MTMR7: variants seen among roughly 807,000 people sequenced by gnomAD.
MTMR7 encodes the protein phosphatidylinositol-3-phosphate phosphatase MTMR7.
MTMR7 carries 76 observed loss-of-function variants against 81.2 expected under a neutral mutation model. The ratio of observed to expected loss-of-function variants is 0.94; its 90% CI spans 0.78 to 1.13. MTMR7 has a LOEUF of 1.13. Among genes scored for constraint, MTMR7 ranks in the 50% most tolerant of loss-of-function variants. The pLI is 0.00. For synonymous variants in MTMR7, 372 were observed against 289.8 expected (o/e 1.28, Z -2.88); for missense variants, 1,044 against 820.0 (o/e 1.27, Z -3.34).
chr8:17,367,683 G>A (rs1820270924), intron 3 of MTMR7, among the ~76,000 whole-genome samples: 1 of 152,112 alleles, frequency 6.6e-6, no homozygotes, highest in African/African-American at 2.4e-5. Flanking sequence ...TCCTAACTCA[G>A]TAAAGAGATA....
intron 6 of MTMR7, among the ~76,000 whole-genome samples, chr8:17,332,935 C>A (rs1343609747): frequency 2.0e-5 from 3 of 152,166 alleles, no homozygotes; most frequent in Non-Finnish European, 4.4e-5. Flanking sequence ...CAGGAGAATG[C>A]CATCAGTACT....
At chr8:17,306,015 C>A in intron 10 of MTMR7, 58 bp from the exon 11 acceptor site, 1 of 1,412,744 alleles carries the variant, frequency 7.1e-7, no homozygotes, top group Non-Finnish European at 9.7e-7. Flanking sequence ...AGTACAAAGC[C>A]ATAAATGCAA....
intron 1 of MTMR7, among the ~76,000 whole-genome samples, chr8:17,376,643 C>T (rs1820599253): frequency 6.6e-6 from 1 of 152,092 alleles, no homozygotes; most frequent in African/African-American, 2.4e-5. Flanking sequence ...AATATGCGAT[C>T]TCATTGTGGT....
intron 5 of MTMR7, among the ~76,000 whole-genome samples, chr8:17,344,108 A>G (rs569160686): frequency 6.6e-6 from 1 of 152,304 alleles, no homozygotes; most frequent in Non-Finnish European, 1.5e-5. Context: ...CCTAATTATC[A>G]TATACAATAA....
In MTMR7 at chr8:17,299,782, T is replaced by G; in HGVS notation, c.*80A>C. ...TCAATGACATGCACCATTTCCTGTT[T>G]TTACAATAAACCACCTTGTTCCCTT... On this transcript the variant is annotated 3_prime_UTR_variant, in exon 14 of 14. Transcript: ENST00000180173. 1 of 1,551,974 alleles carries G rather than the reference T, an allele frequency of 6.4e-7. No individual in the cohort carries two copies. The highest frequency in any genetic ancestry group is 8.7e-7 in the Non-Finnish European group (1 of 1,147,646).
intron 8 of MTMR7, among the ~76,000 whole-genome samples, chr8:17,312,635 TGA>T (rs1433481471): frequency 6.7e-6 from 1 of 149,522 alleles, no homozygotes; most frequent in African/African-American, 2.5e-5. Flanking sequence ...ATAAGCTCTG[TGA>T]GGGAAGAGAC....
At chr8:17,376,303 T>C (rs140830172) in intron 1 of MTMR7, among the ~76,000 whole-genome samples, 117 of 152,340 alleles carry the variant, frequency 7.7e-4, no homozygotes, top group Middle Eastern at 3.4e-3. Flanking sequence ...TATACCATTA[T>C]AGGGACATAT....
chr8:17,308,444 C>T (rs566186930), intron 10 of MTMR7, among the ~76,000 whole-genome samples: 1 of 152,280 alleles, frequency 6.6e-6, no homozygotes, highest in African/African-American at 2.4e-5. Context: ...CTGAAAATCA[C>T]AGAATTAGTG....
rs1010790434 is a variant in MTMR7 at position 17,304,447 on chromosome 8, A to G, written c.1425T>C (p.Phe475=). 2 of 1,614,114 alleles carry G rather than the reference A, an allele frequency of 1.2e-6. No homozygotes were observed. The highest frequency in any genetic ancestry group is 8.5e-7 in the Non-Finnish European group (1 of 1,179,962). The stretch of plus-strand genomic sequence containing the variant: ...CCTGAGTCTGGCTGTGATCAGCTCT[A>G]AACAGAGGATTCAGGTAGTCGGCCC... ...KNRADYLNPL[F]RADHSQTQGT... Residue 475 remains phenylalanine (F), a synonymous_variant, in exon 12 of 14, where the codon TTT becomes TTC. Coordinates refer to ENST00000180173, the MANE Select transcript of MTMR7 (RefSeq NM_004686.5).
At chr8:17,401,898 A>G (rs1821439473) in intron 1 of MTMR7, among the ~76,000 whole-genome samples, 1 of 152,212 alleles carries the variant, frequency 6.6e-6, no homozygotes, top group African/African-American at 2.4e-5. Context: ...TATGAATCTT[A>G]TGCATATTAT....
intron 7 of MTMR7, among the ~76,000 whole-genome samples, chr8:17,324,473 T>C (rs555440731): frequency 1.3e-5 from 2 of 152,204 alleles, no homozygotes; most frequent in East Asian, 1.9e-4. Flanking sequence ...CCACCGCACA[T>C]GCATCCATGC....
At position 17,302,711 on chromosome 8, in the gene MTMR7, C is replaced by G. The variant is rs1817202568; in HGVS notation, c.1494-431G>C. 2.9e-5 allele frequency among the ~76,000 whole-genome samples: 2 copies of G among 68,652 alleles called. 1 individual carries two copies. Among genetic ancestry groups the G allele is most frequent in the Admixed American group, 2.2e-4 (2 of 9,012 alleles). 45.0% of individuals were successfully genotyped at this position (68,652 alleles called of 152,430 possible). A position where few individuals can be genotyped will look rare whatever the true frequency, so the allele number is the denominator to read the frequency against. ...CATTTGCATTGGCAATAACCCCCCC[C>G]CCCCCGCTTTTTTTTTTAATGGCAG... On this transcript the variant is annotated intron_variant, in intron 12 of 13. Coordinates refer to ENST00000180173, the MANE Select transcript of MTMR7 (RefSeq NM_004686.5).
chr8:17,321,036 A>G (rs1295222056), intron 7 of MTMR7, among the ~76,000 whole-genome samples: 1 of 151,888 alleles, frequency 6.6e-6, no homozygotes, highest in African/African-American at 2.4e-5. Flanking sequence ...TCCAGTTGTT[A>G]TTATAGGGCT....
chr8:17,349,239 G>C (rs1450986099), intron 4 of MTMR7, 158 bp from the exon 5 acceptor site: 1 of 752,412 alleles, frequency 1.3e-6, no homozygotes, highest in Non-Finnish European at 2.1e-6. Context: ...AGCCACTTCA[G>C]AGGAAGGAAG....
intron 3 of MTMR7, among the ~76,000 whole-genome samples, chr8:17,365,732 A>T (rs1474225111): frequency 6.6e-6 from 1 of 152,244 alleles, no homozygotes; most frequent in African/African-American, 2.4e-5. Flanking sequence ...GAAAAAGTTA[A>T]GTGGAAATCT....
Position 17,309,309 on chromosome 8 carries a change from G to A in MTMR7, c.1119C>T (p.Asp373=). 6.4e-7 allele frequency: 1 copy of A among 1,567,964 alleles called. No homozygotes were observed. Among genetic ancestry groups the A allele is most frequent in the Middle Eastern group, 1.7e-4 (1 of 5,970 alleles). ...TAAACTTATGACCAAAGGAAATCCA[G>A]TCCTTTTCAATTAATACCTACACAA... is the stretch of plus-strand genomic sequence containing the variant. ...LKGFMVLIEK[D]WISFGHKFNH... is the part of the protein sequence containing the mutation. Residue 373 remains aspartate, a synonymous_variant, in exon 10 of 14, where the codon GAC becomes GAT. Coordinates refer to ENST00000180173, the MANE Select transcript of MTMR7 (RefSeq NM_004686.5).
At chr8:17,375,058 C>A (rs1820538370) in intron 1 of MTMR7, among the ~76,000 whole-genome samples, 4 of 152,276 alleles carry the variant, frequency 2.6e-5, no homozygotes, top group South Asian at 4.1e-4. Context: ...CACTGCACCC[C>A]AGTCTGGGCA....
intron 4 of MTMR7, among the ~76,000 whole-genome samples, chr8:17,351,062 T>C (rs1819714920): frequency 6.6e-6 from 1 of 152,210 alleles, no homozygotes; most frequent in South Asian, 2.1e-4. Flanking sequence ...TAGAAGACTA[T>C]GACGTGGACC....
intron 6 of MTMR7, 135 bp downstream of exon 6, chr8:17,341,228 C>T (rs985830996): frequency 8.6e-7 from 1 of 1,164,656 alleles, no homozygotes; most frequent in African/African-American, 1.5e-5. Context: ...GGTGCCCAGA[C>T]ACTGACTATG....
Sources: gnomAD v4.1 joint callset for allele counts (sites outside exome capture counted in the v4.1 genomes callset) on GRCh38, gnomAD v4.1.1 for gene constraint, MANE v1.5 for transcripts, NCBI Gene and HGNC (gene_info 2026-07-23, HGNC 2026-07-21) for gene names.